LIN52: variants seen among roughly 807,000 people sequenced by gnomAD.
The protein encoded by LIN52 is protein lin-52 homolog.
Under a neutral mutation model 18.5 loss-of-function variants are expected in LIN52, and 4 were observed. The observed-to-expected ratio is 0.22, with a 90% confidence interval of 0.11 to 0.49. LIN52 has a LOEUF of 0.49. LIN52 is among the 20% of genes least tolerant of loss of function. The pLI is 0.97. For missense variants in LIN52, 102 were observed against 139.5 expected, an observed-to-expected ratio of 0.73 and a Z score of 1.35; for synonymous variants, 34 against 45.5, an observed-to-expected ratio of 0.75 and a Z score of 1.02.
intron 5 of LIN52, among the ~76,000 whole-genome samples, chr14:74,157,945 G>A (rs1395793390): frequency 6.6e-6 from 1 of 152,048 alleles, no homozygotes; most frequent in Non-Finnish European, 1.5e-5. Flanking sequence ...TGTTTCAAAT[G>A]TTCACAATTC....
At chr14:74,114,697 T>C (rs1453692300) in intron 5 of LIN52, among the ~76,000 whole-genome samples, 2 of 152,188 alleles carry the variant, frequency 1.3e-5, no homozygotes, top group African/African-American at 4.8e-5. Flanking sequence ...TTGTAGAGGC[T>C]AGAGGTTAGT....
rs115443056 is a variant in LIN52, at chr14:74,132,111, C to T, written c.283+30873C>T. ...CATGTGTATACTCATTTAATTCTCA[C>T]TACTATTCTTTATTATTCCCATTTA... On this transcript the variant is annotated intron_variant, in intron 5 of 5. Coordinates refer to ENST00000555028, the MANE Select transcript of LIN52 (RefSeq NM_001024674.3). 6.4e-3 allele frequency among the ~76,000 whole-genome samples: 975 copies of T among 152,316 alleles called. 6 individuals carry two copies. Among genetic ancestry groups the T allele is most frequent in the African/African-American group, 0.023 (944 of 41,580 alleles).
rs111413037 is a variant in LIN52, at chr14:74,112,763, A to G, written c.283+11525A>G. 2.0e-3 allele frequency among the ~76,000 whole-genome samples: 302 copies of G among 152,360 alleles called. 2 individuals are homozygous for G. The highest frequency in any genetic ancestry group is 6.9e-3 in the African/African-American group (289 of 41,588). Reference sequence around the variant, plus strand: ...TTGGGTGACTACTTCATACAAGGCTATGTAGGGGATAGGAAGATAATTACT... The same window carrying G: ...TTGGGTGACTACTTCATACAAGGCTGTGTAGGGGATAGGAAGATAATTACT... On this transcript the variant is annotated intron_variant, in intron 5 of 5. Transcript: ENST00000555028.
chr14:74,098,515 CAAA>C (rs949641485), intron 4 of LIN52, among the ~76,000 whole-genome samples: 3 of 121,238 alleles, frequency 2.5e-5, no homozygotes, highest in South Asian at 2.7e-4. Flanking sequence ...GACTCTATCT[CAAA>C]AAAAAAAAAA....
At chr14:74,136,969 T>C (rs1396100363) in intron 5 of LIN52, among the ~76,000 whole-genome samples, 2 of 152,064 alleles carry the variant, frequency 1.3e-5, no homozygotes, top group African/African-American at 2.4e-5. Flanking sequence ...GGAACTATAA[T>C]TTTAAAAACT....
At chr14:74,189,179 A>G (rs117333541) in intron 5 of LIN52, among the ~76,000 whole-genome samples, 1 of 152,298 alleles carries the variant, frequency 6.6e-6, no homozygotes, top group East Asian at 1.9e-4. Context: ...TCTTAACCTT[A>G]CATGATAGAT....
intron 5 of LIN52, among the ~76,000 whole-genome samples, chr14:74,192,209 T>G (rs1352692139): frequency 6.6e-6 from 1 of 152,152 alleles, no homozygotes; most frequent in East Asian, 1.9e-4. Flanking sequence ...CTAAGGAGAC[T>G]CCACGGCTTA....
chr14:74,171,102 G>A (rs184018267), intron 5 of LIN52, among the ~76,000 whole-genome samples: 11 of 151,942 alleles, frequency 7.2e-5, no homozygotes, highest in Non-Finnish European at 1.5e-4. Flanking sequence ...GAAAGGTACT[G>A]GCCAGGCATA....
chr14:74,179,542 C>A (rs111988797), intron 5 of LIN52, among the ~76,000 whole-genome samples: 7 of 151,952 alleles, frequency 4.6e-5, no homozygotes, highest in African/African-American at 1.7e-4. Context: ...GCCTGTAGTC[C>A]CAGCTACTCG....
chr14:74,136,589 A>C (rs1403886489), intron 5 of LIN52, among the ~76,000 whole-genome samples: 1 of 152,200 alleles, frequency 6.6e-6, no homozygotes, highest in Non-Finnish European at 1.5e-5. Flanking sequence ...CAAGGGTTTA[A>C]TTAGCCAACA....
chr14:74,181,155 G>C (rs1229172824), intron 5 of LIN52, among the ~76,000 whole-genome samples: 1 of 150,356 alleles, frequency 6.7e-6, no homozygotes, highest in Non-Finnish European at 1.5e-5. Context: ...AGGAAAGAAT[G>C]GAAGGCCATT....
chr14:74,185,441 G>A (rs1342898807), intron 5 of LIN52, among the ~76,000 whole-genome samples: 2 of 146,992 alleles, frequency 1.4e-5, no homozygotes, highest in Admixed American at 1.4e-4. Context: ...CAGCCTCCCG[G>A]TTAGCTGGGA....
chr14:74,130,278 G>GTTTTTGTTTTTTTTTTTTTTT (rs2061055084), intron 5 of LIN52, among the ~76,000 whole-genome samples: 1 of 64,840 alleles, frequency 1.5e-5, no homozygotes, highest in African/African-American at 6.3e-5. Flanking sequence ...GCATTTTTTG[G>GTTTTTGTTTTTTTTTTTTTTT]TTTTTTTTTT....
At chr14:74,174,743 A>AC (rs756559124) in intron 5 of LIN52, 3 of 150,418 alleles carry the variant, frequency 2.0e-5, no homozygotes, top group Non-Finnish European at 4.4e-5. Context: ...ACAAAGTGAG[A>AC]CCCCTTCTCT....
At position 74,149,850 on chromosome 14, in the gene LIN52, A is replaced by G. The variant is rs986238865; in HGVS notation, c.283+48612A>G. On this transcript the variant is annotated intron_variant, in intron 5 of 5. Coordinates refer to ENST00000555028, the MANE Select transcript of LIN52 (RefSeq NM_001024674.3). ...GGATACAGACTCTTCTGTTTGCAAA[A>G]TAGTCTTCTACCAACTCGTGGATTC... is the stretch of plus-strand genomic sequence containing the variant. Among the ~76,000 whole-genome samples the G allele has an allele frequency of 7.0e-4, 106 of 152,282 alleles. 1 individual carries two copies. Among genetic ancestry groups the G allele is most frequent in the African/African-American group, 2.5e-3 (102 of 41,564 alleles).
intron 5 of LIN52, among the ~76,000 whole-genome samples, chr14:74,170,751 C>T (rs2061266462): frequency 6.6e-6 from 1 of 151,016 alleles, no homozygotes; most frequent in Non-Finnish European, 1.5e-5. Context: ...GAATTAAGTA[C>T]TGAGAGAAAA....
intron 5 of LIN52, among the ~76,000 whole-genome samples, chr14:74,134,787 G>T (rs1187076379): frequency 1.3e-5 from 2 of 152,232 alleles, no homozygotes; most frequent in Admixed American, 1.3e-4. Context: ...ATCTGCTTAA[G>T]GTGGTGTGCC....
chr14:74,170,225 C>T (rs1398374213), intron 5 of LIN52, among the ~76,000 whole-genome samples: 4 of 152,138 alleles, frequency 2.6e-5, no homozygotes, highest in South Asian at 2.1e-4. Context: ...CTGGCCCATT[C>T]GTTATTGTAT....
intron 5 of LIN52, among the ~76,000 whole-genome samples, chr14:74,109,857 T>A (rs1257671550): frequency 6.6e-6 from 1 of 152,234 alleles, no homozygotes; most frequent in African/African-American, 2.4e-5. Flanking sequence ...TTTAGTAGAT[T>A]ATTTATAATT....
Sources: gnomAD v4.1 joint callset for allele counts (sites outside exome capture counted in the v4.1 genomes callset) on GRCh38, gnomAD v4.1.1 for gene constraint, MANE v1.5 for transcripts, NCBI Gene and HGNC (gene_info 2026-07-23, HGNC 2026-07-21) for gene names.